Variants in HECW2 observed in about 807,000 individuals in gnomAD.
HECW2 encodes the protein E3 ubiquitin-protein ligase HECW2.
Under a neutral mutation model 175.2 loss-of-function variants are expected in HECW2, and 61 were observed. That is an observed-to-expected ratio of 0.35 (90% CI 0.28 to 0.43). The LOEUF (loss-of-function observed/expected upper bound fraction) is 0.43. Ranked by LOEUF, HECW2 falls within the 20% of genes least tolerant of loss-of-function variation. The probability of loss-of-function intolerance (pLI) is 1.00; values close to 1 mark genes in which losing one functional copy is unlikely to be tolerated. For synonymous variants in HECW2, 671 were observed against 731.0 expected, an observed-to-expected ratio of 0.92 and a Z score of 1.32; for missense variants, 1,524 against 2,000.5, an observed-to-expected ratio of 0.76 and a Z score of 4.54.
At chr2:196,485,049 G>A (rs1575597313) in intron 1 of HECW2, among the ~76,000 whole-genome samples, 1 of 152,180 alleles carries the variant, frequency 6.6e-6, no homozygotes, top group African/African-American at 2.4e-5. Context: ...AGTCAGCAAG[G>A]AGGAAGGGCC....
intron 2 of HECW2, among the ~76,000 whole-genome samples, chr2:196,425,034 G>T (rs180687205): frequency 6.6e-6 from 1 of 152,176 alleles, no homozygotes; most frequent in East Asian, 1.9e-4. Context: ...ACTTTAAGTT[G>T]AAGCCAATGC....
At chr2:196,324,595 C>T (rs1361831566) in intron 6 of HECW2, among the ~76,000 whole-genome samples, 1 of 152,096 alleles carries the variant, frequency 6.6e-6, no homozygotes, top group Non-Finnish European at 1.5e-5. Context: ...ATCAGTATTG[C>T]TGATTTTTCC....
At chr2:196,224,679 C>T (rs181270666) in intron 23 of HECW2, among the ~76,000 whole-genome samples, 2 of 152,196 alleles carry the variant, frequency 1.3e-5, no homozygotes, top group South Asian at 2.1e-4. Flanking sequence ...TCTTTAAATG[C>T]CTCCACAGGT....
In HECW2 at chr2:196,317,347, C is replaced by G; in HGVS notation, c.2361G>C (p.Gln787His). ...GCACTGAAGGTAGTGATCGCAGTGG[C>G]TGGTGGCCGTTGGCTTGAGAACCTA... ...ATGGSQANGH[Q>H]PLRSLPSVRQ... Residue 787 changes from glutamine (Q) to histidine (H), a missense_variant, in exon 10 of 29, where the codon CAG (glutamine) becomes CAC (histidine). Gln to His is a conservative substitution (Grantham distance 24). Around this residue, in one of 11 missense-constraint regions of HECW2, gnomAD observed 82 missense variants for 124.4 expected, o/e 0.66. Transcript: ENST00000644978. 6.2e-7 allele frequency: 1 copy of G among 1,613,150 alleles called. No individual in the cohort carries two copies. The highest frequency in any genetic ancestry group is 1.1e-5 in the South Asian group (1 of 90,716).
intron 15 of HECW2, among the ~76,000 whole-genome samples, chr2:196,278,133 A>AAAAAAAAATATATATATATAT (rs531920307): frequency 1.5e-5 from 1 of 66,552 alleles, no homozygotes; most frequent in African/African-American, 4.1e-5. Context: ...ATAATTAAAA[A>AAAAAAAAATATATATATATAT]ATATATATAT....
intron 2 of HECW2, among the ~76,000 whole-genome samples, chr2:196,389,819 T>G (rs1694454718): frequency 6.6e-6 from 1 of 152,076 alleles, no homozygotes; most frequent in Non-Finnish European, 1.5e-5. Flanking sequence ...GTTTAAAGGT[T>G]TCTAGCTAAC....
At position 196,196,543 on chromosome 2, in the gene HECW2, T is replaced by A. The variant is rs1686694486; in HGVS notation, c.*4734A>T. 6.6e-6 allele frequency: 1 copy of A among 152,496 alleles called. No homozygotes were observed. Among genetic ancestry groups the A allele is most frequent in the Non-Finnish European group, 1.5e-5 (1 of 68,250 alleles). The allele number at this position is 152,496 out of a possible 1,614,324, so 9.4% of individuals were successfully genotyped here. On this transcript the variant is annotated 3_prime_UTR_variant, in exon 29 of 29. Transcript: ENST00000644978. ...AAGGCCCAGAGGCTCACGTCTGTAA[T>A]CCCAGCACTTCGGGAGGCCAAGGTG...
chr2:196,298,536 T>C (rs746382661), intron 13 of HECW2, among the ~76,000 whole-genome samples: 2 of 152,220 alleles, frequency 1.3e-5, no homozygotes, highest in Non-Finnish European at 2.9e-5. Context: ...CTCGGGTACA[T>C]GTGCACAACG....
At chr2:196,440,448 A>C (rs796460249) in intron 1 of HECW2, among the ~76,000 whole-genome samples, 2 of 152,316 alleles carry the variant, frequency 1.3e-5, no homozygotes, top group South Asian at 2.1e-4. Context: ...ATAGTAAATA[A>C]GTACTGTGCA....
At chr2:196,546,708 C>T (rs1407225472) in intron 1 of HECW2, among the ~76,000 whole-genome samples, 2 of 151,980 alleles carry the variant, frequency 1.3e-5, no homozygotes, top group African/African-American at 2.4e-5. Context: ...ACAGCTCAAC[C>T]GCATAGGTGA....
rs2105750309 is a variant in HECW2, at chr2:196,200,494, T to C, written c.*783A>G. Reference sequence around the variant, plus strand: ...TACATCTTAAAGAACATAAACATAATGAACCTACAAAAAATAAACAGAACT... The same window carrying C: ...TACATCTTAAAGAACATAAACATAACGAACCTACAAAAAATAAACAGAACT... On this transcript the variant is annotated 3_prime_UTR_variant, in exon 29 of 29. Transcript: ENST00000644978. 1 of 152,714 alleles carries C rather than the reference T, an allele frequency of 6.5e-6. No homozygotes were observed. Among genetic ancestry groups the C allele is most frequent in the South Asian group, 2.1e-4 (1 of 4,822 alleles). 9.5% of individuals were successfully genotyped at this position (152,714 alleles called of 1,614,324 possible). A position where few individuals can be genotyped will look rare whatever the true frequency, so the allele number is the denominator to read the frequency against.
intron 1 of HECW2, among the ~76,000 whole-genome samples, chr2:196,574,945 A>G (rs543386646): frequency 6.6e-6 from 1 of 152,194 alleles, no homozygotes; most frequent in African/African-American, 2.4e-5. Context: ...TCATTTAAAT[A>G]CATGGTGTTG....
chr2:196,537,528 T>G (rs996345734), intron 1 of HECW2, among the ~76,000 whole-genome samples: 1 of 152,026 alleles, frequency 6.6e-6, no homozygotes, highest in Non-Finnish European at 1.5e-5. Flanking sequence ...AGGGACAGCA[T>G]GAACCAGGAC....
chr2:196,522,026 T>G, intron 1 of HECW2, among the ~76,000 whole-genome samples: 1 of 152,196 alleles, frequency 6.6e-6, no homozygotes, highest in East Asian at 1.9e-4. Context: ...TCAAATGGTA[T>G]TTCTAGTTCT....
intron 1 of HECW2, among the ~76,000 whole-genome samples, chr2:196,476,597 G>T (rs1686630907): frequency 6.6e-6 from 1 of 152,038 alleles, no homozygotes; most frequent in Non-Finnish European, 1.5e-5. Flanking sequence ...GAGTCATTTT[G>T]AAAAAGTTCA....
chr2:196,224,672 T>C (rs1687786632), intron 23 of HECW2, among the ~76,000 whole-genome samples: 1 of 152,172 alleles, frequency 6.6e-6, no homozygotes, highest in Non-Finnish European at 1.5e-5. Flanking sequence ...TCAGTATTCT[T>C]TAAATGCCTC....
chr2:196,375,446 T>C (rs115383872), intron 2 of HECW2, among the ~76,000 whole-genome samples: 3 of 152,380 alleles, frequency 2.0e-5, no homozygotes, highest in Non-Finnish European at 4.4e-5. Context: ...TTCCAGTTTC[T>C]CTATAAACTT....
At chr2:196,511,920 G>C (rs751988788) in intron 1 of HECW2, among the ~76,000 whole-genome samples, 1 of 152,218 alleles carries the variant, frequency 6.6e-6, no homozygotes, top group Non-Finnish European at 1.5e-5. Context: ...CAGGATTTAT[G>C]ATGTTACTAA....
intron 1 of HECW2, among the ~76,000 whole-genome samples, chr2:196,552,957 G>A (rs1462183321): frequency 2.0e-5 from 3 of 152,224 alleles, no homozygotes; most frequent in South Asian, 2.1e-4. Flanking sequence ...CATCCCACCC[G>A]AGGAAAAATG....
Sources: gnomAD v4.1 joint callset for allele counts (sites outside exome capture counted in the v4.1 genomes callset) on GRCh38, gnomAD v4.1.1 for gene constraint, gnomAD v4.1.1 regional missense constraint, MANE v1.5 for transcripts, NCBI Gene and HGNC (gene_info 2026-07-23, HGNC 2026-07-21) for gene names.